Variants in KIAA1328 observed in about 807,000 individuals in gnomAD.
KIAA1328 encodes the protein protein hinderin.
In KIAA1328, 52 loss-of-function variants were observed where a neutral mutation model predicts 68.1. That is an observed-to-expected ratio of 0.76 (90% CI 0.61 to 0.96). The LOEUF (loss-of-function observed/expected upper bound fraction) is 0.96, where lower values mean the gene tolerates loss of function less well. KIAA1328 is among the 40% of genes least tolerant of loss of function. KIAA1328 has a pLI of 0.00. For synonymous variants in KIAA1328, 232 were observed against 239.4 expected, an observed-to-expected ratio of 0.97 and a Z score of 0.28; for missense variants, 641 against 677.6, an observed-to-expected ratio of 0.95 and a Z score of 0.60.
chr18:37,110,747 A>G (rs934939909), intron 7 of KIAA1328, among the ~76,000 whole-genome samples: 1 of 152,208 alleles, frequency 6.6e-6, no homozygotes, highest in African/African-American at 2.4e-5. Context: ...GTTTCTGAGC[A>G]TACATTTTGT....
intron 9 of KIAA1328, among the ~76,000 whole-genome samples, chr18:37,218,598 T>C (rs918466773): frequency 1.3e-5 from 2 of 152,224 alleles, no homozygotes; most frequent in African/African-American, 2.4e-5. Flanking sequence ...TTCCACTCGA[T>C]GGAATCAGCT....
At chr18:36,999,950 A>AGG (rs1368416125) in intron 6 of KIAA1328, among the ~76,000 whole-genome samples, 1 of 152,182 alleles carries the variant, frequency 6.6e-6, no homozygotes, top group Admixed American at 6.5e-5. Context: ...AAGGGAACAA[A>AGG]GAATATATAA....
chr18:37,067,407 A>G lies in KIAA1328; in HGVS notation c.1094A>G (p.Asp365Gly), dbSNP rs1319316014. ...IETLKKQISE[D>G]RKQQLMLQKM... ...ACTTTGAAAAAGCAGATCTCAGAAGATAGAAAGCAGCAACTGATGCTTCAG... is the reference window on the plus strand; with the variant it reads ...ACTTTGAAAAAGCAGATCTCAGAAGGTAGAAAGCAGCAACTGATGCTTCAG... The change falls in exon 7 of 10, where the codon GAT becomes GGT. Residue 365 changes from aspartate to glycine, a missense_variant. Physicochemically the swap from Asp to Gly is moderately conservative, Grantham distance 94. Coordinates refer to ENST00000280020, the MANE Select transcript of KIAA1328 (RefSeq NM_020776.3). The G allele has an allele frequency of 7.4e-6, 12 of 1,611,542 alleles. No homozygotes were observed. The highest frequency in any genetic ancestry group is 8.5e-7 in the Non-Finnish European group (1 of 1,178,664).
intron 6 of KIAA1328, among the ~76,000 whole-genome samples, chr18:37,001,499 G>A (rs1165315129): frequency 2.0e-5 from 3 of 152,016 alleles, no homozygotes; most frequent in Non-Finnish European, 2.9e-5. Flanking sequence ...GGAAAAGAGG[G>A]GATTTCTCCC....
At chr18:36,991,112 TGAAAA>T (rs1172516055) in intron 6 of KIAA1328, among the ~76,000 whole-genome samples, 1 of 152,188 alleles carries the variant, frequency 6.6e-6, no homozygotes, top group African/African-American at 2.4e-5. Context: ...ATAGAAAATT[TGAAAA>T]ACAAAGGTTA....
downstream of KIAA1328, chr18:37,229,519 G>A: frequency 8.0e-7 from 1 of 1,255,504 alleles, no homozygotes; most frequent in South Asian, 1.3e-5. Flanking sequence ...CTCAGAAACT[G>A]GGGTGGGAGG....
chr18:37,035,676 A>T (rs1430363608), intron 6 of KIAA1328, among the ~76,000 whole-genome samples: 3 of 152,204 alleles, frequency 2.0e-5, no homozygotes, highest in Non-Finnish European at 4.4e-5. Flanking sequence ...CCCGTATTAT[A>T]GTTTTATCCA....
At chr18:37,100,078 C>T (rs1334298401) in intron 7 of KIAA1328, among the ~76,000 whole-genome samples, 3 of 152,080 alleles carry the variant, frequency 2.0e-5, no homozygotes, top group Non-Finnish European at 4.4e-5. Flanking sequence ...CTCCAGTCTA[C>T]AGCTCCCAGC....
At chr18:37,096,574 A>T (rs2057414907) in intron 7 of KIAA1328, among the ~76,000 whole-genome samples, 1 of 152,182 alleles carries the variant, frequency 6.6e-6, no homozygotes. Context: ...ATGATTTATA[A>T]TCCTTTGGGT....
downstream of KIAA1328, chr18:37,225,411 C>T (rs1292696353): frequency 1.7e-6 from 1 of 598,270 alleles, no homozygotes; most frequent in Non-Finnish European, 2.1e-6. Context: ...CAAGTGCAGA[C>T]CTGCAGGTTA....
chr18:36,874,257 C>T (rs916982214), intron 4 of KIAA1328, among the ~76,000 whole-genome samples: 1 of 152,154 alleles, frequency 6.6e-6, no homozygotes, highest in African/African-American at 2.4e-5. Context: ...CTTGAGGAAT[C>T]GCCACGCTGT....
intron 4 of KIAA1328, among the ~76,000 whole-genome samples, chr18:36,877,758 C>T (rs2048184529): frequency 6.6e-6 from 1 of 151,096 alleles, no homozygotes; most frequent in African/African-American, 2.4e-5. Context: ...GCTGTGCCTC[C>T]CAGGTTCAGG....
chr18:36,851,053 C>CAAA (rs1307620582), intron 4 of KIAA1328, among the ~76,000 whole-genome samples: 4 of 152,010 alleles, frequency 2.6e-5, no homozygotes, highest in Non-Finnish European at 4.4e-5. Flanking sequence ...AGCTTTTCTG[C>CAAA]CTCAATTGAT....
chr18:37,100,193 C>T (rs1477118748), intron 7 of KIAA1328, among the ~76,000 whole-genome samples: 1 of 152,176 alleles, frequency 6.6e-6, no homozygotes. Flanking sequence ...GGGTGCAGTG[C>T]ACCAAGTGTG....
intron 6 of KIAA1328, among the ~76,000 whole-genome samples, chr18:36,963,375 A>G (rs138670556): frequency 5.4e-4 from 82 of 152,268 alleles, no homozygotes; most frequent in Non-Finnish European, 1.0e-3. Flanking sequence ...AGGCCAATCC[A>G]TTTGGCAAGG....
intron 5 of KIAA1328, among the ~76,000 whole-genome samples, chr18:36,951,556 C>T (rs1477150624): frequency 6.6e-6 from 1 of 152,172 alleles, no homozygotes; most frequent in East Asian, 1.9e-4. Context: ...AAGTGATTAA[C>T]TCCCAAATGT....
chr18:37,133,997 G>A (rs755027596), intron 7 of KIAA1328, among the ~76,000 whole-genome samples: 20 of 151,364 alleles, frequency 1.3e-4, no homozygotes, highest in Non-Finnish European at 1.9e-4. Flanking sequence ...CAAGCATTGT[G>A]ATCTCAGGAC....
At chr18:36,995,803 G>A (rs990250992) in intron 6 of KIAA1328, among the ~76,000 whole-genome samples, 2 of 152,168 alleles carry the variant, frequency 1.3e-5, no homozygotes, top group African/African-American at 2.4e-5. Flanking sequence ...CTTTTCTAGG[G>A]TGTAGGAAAG....
chr18:36,997,767 C>T (rs1299851301), intron 6 of KIAA1328, among the ~76,000 whole-genome samples: 1 of 152,160 alleles, frequency 6.6e-6, no homozygotes, highest in Admixed American at 6.5e-5. Flanking sequence ...AATCTGGGGG[C>T]CACAGCAGCC....
Sources: allele counts gnomAD v4.1 joint callset (sites outside exome capture counted in the v4.1 genomes callset), GRCh38; gene constraint gnomAD v4.1.1; transcripts MANE v1.5; gene names NCBI Gene and HGNC (gene_info 2026-07-23, HGNC 2026-07-21).